Variants in EPHA7 observed in about 807,000 individuals in gnomAD.
The protein encoded by EPHA7 is ephrin type-A receptor 7.
A neutral mutation model predicts 112.6 loss-of-function variants in EPHA7; 25 were observed. The ratio of observed to expected loss-of-function variants is 0.22; its 90% CI spans 0.16 to 0.31. EPHA7 has a LOEUF of 0.31. EPHA7 is among the 10% of genes least tolerant of loss of function. The pLI is 1.00. For synonymous variants in EPHA7, 437 were observed against 406.5 expected (o/e 1.07, Z -0.90); for missense variants, 962 against 1,212.6 (o/e 0.79, Z 3.07).
Position 93,290,911 on chromosome 6 carries a change from A to G in EPHA7, c.1325-18489T>C, listed in dbSNP as rs1040246026. Among the ~76,000 whole-genome samples the G allele has an allele frequency of 2.9e-4, 44 of 152,180 alleles. 1 individual carries two copies. The highest frequency in any genetic ancestry group is 2.9e-5 in the Non-Finnish European group (2 of 68,024). ...TATAAACTGGATTCTGCATTTCATC[A>G]TCATCATCATAAAGCAAACAAAAAA... is the stretch of plus-strand genomic sequence containing the variant. On this transcript the variant is annotated intron_variant, in intron 5 of 16. Coordinates refer to ENST00000369303, the MANE Select transcript of EPHA7 (RefSeq NM_004440.4).
At chr6:93,406,808 T>C (rs1778744142) in intron 3 of EPHA7, among the ~76,000 whole-genome samples, 1 of 151,870 alleles carries the variant, frequency 6.6e-6, no homozygotes, top group Admixed American at 6.6e-5. Context: ...GAAATATACT[T>C]CAGTATATTT....
At chr6:93,369,532 C>T (rs1482383261) in intron 3 of EPHA7, among the ~76,000 whole-genome samples, 1 of 152,142 alleles carries the variant, frequency 6.6e-6, no homozygotes, top group African/African-American at 2.4e-5. Context: ...AGAGCAACAT[C>T]CATTCTTCAT....
chr6:93,286,981 TC>T lies in EPHA7; in HGVS notation c.1325-14560del, dbSNP rs1457156615. ...AAGACTTTCAATAACATTTAATTTC[TC>T]TGTTTTATAATTGAGAAATATTTAT... On this transcript the variant is annotated intron_variant, in intron 5 of 16. Coordinates refer to ENST00000369303, the MANE Select transcript of EPHA7 (RefSeq NM_004440.4). Among the ~76,000 whole-genome samples, 4 of 152,326 alleles carry T rather than the reference TC, an allele frequency of 2.6e-5. No individual in the cohort carries two copies. The South Asian group carries it at 8.3e-4, about 32-fold the overall frequency.
intron 16 of EPHA7, among the ~76,000 whole-genome samples, chr6:93,244,364 C>A (rs142611619): frequency 1.3e-5 from 2 of 152,084 alleles, no homozygotes; most frequent in African/African-American, 4.8e-5. Context: ...AACCCATGTA[C>A]GTGACATTTC....
chr6:93,328,572 C>T (rs1237976104), intron 5 of EPHA7, among the ~76,000 whole-genome samples: 1 of 151,410 alleles, frequency 6.6e-6, no homozygotes, highest in Non-Finnish European at 1.5e-5. Flanking sequence ...CTTTAATCAT[C>T]TTTCCTCACC....
chr6:93,364,953 C>T (rs1776436273), intron 3 of EPHA7, among the ~76,000 whole-genome samples: 1 of 152,118 alleles, frequency 6.6e-6, no homozygotes, highest in African/African-American at 2.4e-5. Flanking sequence ...ATTTTTGATA[C>T]ATTTTATAGA....
At position 93,414,663 on chromosome 6, in the gene EPHA7, T is replaced by C. The variant is rs372944409; in HGVS notation, c.162+40A>G. 4.2e-5 allele frequency: 63 copies of C among 1,503,350 alleles called. 1 individual carries two copies. In the African/African-American group the frequency reaches 6.9e-4, roughly 16 times the overall value. The allele number at this position is 1,503,350 out of a possible 1,614,324, so 93.1% of individuals were successfully genotyped here. ...GAGGGAAGGGAAACGTTTTGTTTCT[T>C]ATTTTAAAAAAGTGATATTTTATGA... On this transcript the variant is annotated intron_variant, in intron 2 of 16. Transcript: ENST00000369303.
rs1408664338 is a variant in EPHA7, at chr6:93,242,510, T to C, written c.*916A>G. Reference sequence around the variant, plus strand: ...AGATTAATTTTTAGATAACACTGGATAGTTCTGCTTTCAGAGACTTGCCTT... The same window carrying C: ...AGATTAATTTTTAGATAACACTGGACAGTTCTGCTTTCAGAGACTTGCCTT... On this transcript the variant is annotated 3_prime_UTR_variant, in exon 17 of 17. Transcript: ENST00000369303. 5.0e-6 allele frequency: 1 copy of C among 199,986 alleles called. No homozygotes were observed. The highest frequency in any genetic ancestry group is 1.0e-5 in the Non-Finnish European group (1 of 96,630). 12.4% of individuals were successfully genotyped at this position (199,986 alleles called of 1,614,324 possible). A position where few individuals can be genotyped will look rare whatever the true frequency, so the allele number is the denominator to read the frequency against.
At chr6:93,277,464 A>C (rs937876336) in intron 5 of EPHA7, among the ~76,000 whole-genome samples, 4 of 151,976 alleles carry the variant, frequency 2.6e-5, no homozygotes, top group Admixed American at 2.6e-4. Flanking sequence ...AATAATATTA[A>C]GAATGATACA....
chr6:93,254,548 TATTTA>T (rs1409388466), intron 14 of EPHA7, 94 bp downstream of exon 14: 1 of 858,674 alleles, frequency 1.2e-6, no homozygotes, highest in African/African-American at 1.7e-5. Flanking sequence ...TTTTTATAAT[TATTTA>T]AAAGTGTTCT....
intron 5 of EPHA7, among the ~76,000 whole-genome samples, chr6:93,330,556 T>C (rs1029538913): frequency 1.3e-5 from 2 of 151,334 alleles, no homozygotes; most frequent in Admixed American, 1.3e-4. Flanking sequence ...TGTACCTCAC[T>C]TATTTCACTT....
chr6:93,419,204 AT>A (rs1378791851), intron 1 of EPHA7, 40 bp downstream of exon 1: 1 of 1,556,378 alleles, frequency 6.4e-7, no homozygotes. Context: ...AGACATCTAA[AT>A]AAATAAGTCA....
At chr6:93,292,499 T>G (rs940473709) in intron 5 of EPHA7, among the ~76,000 whole-genome samples, 2 of 150,688 alleles carry the variant, frequency 1.3e-5, no homozygotes, top group Non-Finnish European at 3.0e-5. Flanking sequence ...AAAAGTTGTG[T>G]TTTTTTTTGG....
At chr6:93,321,366 T>G (rs1774064749) in intron 5 of EPHA7, among the ~76,000 whole-genome samples, 1 of 151,870 alleles carries the variant, frequency 6.6e-6, no homozygotes, top group Admixed American at 6.6e-5. Context: ...TCACAATAGG[T>G]GAGTCATTGA....
At chr6:93,400,339 C>T (rs1350200689) in intron 3 of EPHA7, among the ~76,000 whole-genome samples, 2 of 151,970 alleles carry the variant, frequency 1.3e-5, no homozygotes, top group Non-Finnish European at 2.9e-5. Flanking sequence ...ATATAAATCA[C>T]TGGAAATATA....
intron 3 of EPHA7, among the ~76,000 whole-genome samples, chr6:93,359,870 GAGAGAGATAGATAGAT>G (rs1459887155): frequency 8.4e-5 from 11 of 131,216 alleles, no homozygotes; most frequent in South Asian, 4.7e-4. Context: ...GAGAGAGAGA[GAGAGAGATAGATAGAT>G]AGATAGATAG....
At chr6:93,266,763 C>A (rs1022573904) in intron 7 of EPHA7, among the ~76,000 whole-genome samples, 1 of 151,690 alleles carries the variant, frequency 6.6e-6, no homozygotes, top group African/African-American at 2.4e-5. Flanking sequence ...CTGGACCATG[C>A]ATTCCACCAC....
intron 5 of EPHA7, among the ~76,000 whole-genome samples, chr6:93,317,242 G>A (rs1238132590): frequency 1.3e-5 from 2 of 152,084 alleles, no homozygotes; most frequent in African/African-American, 4.8e-5. Context: ...ATTTACTATA[G>A]GGATTTTAAA....
chr6:93,267,058 C>T (rs1770975835), intron 7 of EPHA7, among the ~76,000 whole-genome samples: 1 of 151,718 alleles, frequency 6.6e-6, no homozygotes, highest in South Asian at 2.1e-4. Context: ...AGGTATATGA[C>T]ATGATAATAC....
Sources: allele counts gnomAD v4.1 joint callset (sites outside exome capture counted in the v4.1 genomes callset), GRCh38; gene constraint gnomAD v4.1.1; transcripts MANE v1.5; gene names NCBI Gene and HGNC (gene_info 2026-07-23, HGNC 2026-07-21).